SAMD12: variants seen among roughly 807,000 people sequenced by gnomAD.
SAMD12 encodes the protein sterile alpha motif domain-containing protein 12.
A neutral mutation model predicts 15.0 loss-of-function variants in SAMD12; 9 were observed. The observed-to-expected ratio is 0.60, with a 90% CI of 0.36 to 1.05. SAMD12 has a LOEUF of 1.05. Among genes scored for constraint, SAMD12 ranks in the 50% least tolerant of loss-of-function variants. SAMD12 has a pLI of 0.01. For synonymous variants in SAMD12, 86 were observed against 90.1 expected, an observed-to-expected ratio of 0.96 and a Z score of 0.25; for missense variants, 230 against 234.2, an observed-to-expected ratio of 0.98 and a Z score of 0.12.
At chr8:118,447,592 C>T (rs780903634) in intron 2 of SAMD12, among the ~76,000 whole-genome samples, 44 of 151,906 alleles carry the variant, frequency 2.9e-4, no homozygotes, top group South Asian at 2.1e-4. Context: ...CGTGAGCCAC[C>T]GTGTCCAGCC....
rs561785114 is a variant in SAMD12 at position 118,272,078 on chromosome 8, A to G, written c.434-74346T>C. ...CCATATTTCCCTTCCACAGTGCCCT[A>G]GCAGAGATTCTGTATGAGGTCTCTG... On this transcript the variant is annotated intron_variant, in intron 4 of 4. Transcript: ENST00000409003. Among the ~76,000 whole-genome samples the G allele has an allele frequency of 1.1e-4, 17 of 152,338 alleles. No individual in the cohort carries two copies. In the South Asian group the frequency reaches 3.3e-3, roughly 30 times the overall value.
At chr8:118,318,351 T>TAC (rs1288280504) in intron 4 of SAMD12, among the ~76,000 whole-genome samples, 172 of 83,724 alleles carry the variant, frequency 2.1e-3, no homozygotes, top group African/African-American at 6.2e-3. Flanking sequence ...TATATATATA[T>TAC]ATATACATAT....
exon 5 of SAMD12, chr8:118,197,585 T>C: frequency 2.3e-6 from 2 of 867,868 alleles, no homozygotes; most frequent in Non-Finnish European, 3.9e-6. Context: ...TTTTTTCAGT[T>C]AATCCAGTTA....
At chr8:118,560,917 T>C (rs1317689368) in intron 2 of SAMD12, among the ~76,000 whole-genome samples, 2 of 152,184 alleles carry the variant, frequency 1.3e-5, no homozygotes, top group African/African-American at 2.4e-5. Context: ...AGTCAAAATA[T>C]GAAAACCAAA....
intron 2 of SAMD12, among the ~76,000 whole-genome samples, chr8:118,447,663 T>G (rs1448911684): frequency 6.6e-6 from 1 of 151,696 alleles, no homozygotes; most frequent in African/African-American, 2.4e-5. Flanking sequence ...CCCAGCTCTT[T>G]GATGTCATCT....
At chr8:118,168,928 C>T in the SAMD12 span, among the ~76,000 whole-genome samples, 1 of 152,126 alleles carries the variant, frequency 6.6e-6, no homozygotes, top group African/African-American at 2.4e-5. Flanking sequence ...ACATCAATGA[C>T]CCTAACAATG....
chr8:118,496,715 A>T (rs1824624695), intron 2 of SAMD12, among the ~76,000 whole-genome samples: 1 of 152,176 alleles, frequency 6.6e-6, no homozygotes. Context: ...ACAAAAACAG[A>T]CAAGTGGGAC....
At chr8:118,416,051 A>G (rs930570515) in intron 3 of SAMD12, among the ~76,000 whole-genome samples, 11 of 152,278 alleles carry the variant, frequency 7.2e-5, no homozygotes, top group African/African-American at 2.6e-4. Context: ...AAGAACAGAC[A>G]TCAGTGCTCA....
intron 4 of SAMD12, among the ~76,000 whole-genome samples, chr8:118,210,365 T>C (rs939476711): frequency 6.6e-6 from 1 of 152,186 alleles, no homozygotes; most frequent in South Asian, 2.1e-4. Context: ...CTCTGGCTCT[T>C]AGTTATATGC....
intron 4 of SAMD12, among the ~76,000 whole-genome samples, chr8:118,267,701 T>TTGTGTGTG (rs10671962): frequency 4.3e-4 from 63 of 147,612 alleles, no homozygotes; most frequent in South Asian, 2.4e-3. Flanking sequence ...TTCCCATCTG[T>TTGTGTGTG]TGTGTGTGTG....
intron 3 of SAMD12, among the ~76,000 whole-genome samples, chr8:118,411,814 A>G (rs1401841108): frequency 2.0e-5 from 3 of 152,212 alleles, no homozygotes; most frequent in Non-Finnish European, 4.4e-5. Context: ...CTGTGTGACA[A>G]TTACTCAGCT....
chr8:118,365,511 C>A (rs1219068217), intron 4 of SAMD12, among the ~76,000 whole-genome samples: 2 of 152,062 alleles, frequency 1.3e-5, no homozygotes, highest in Non-Finnish European at 2.9e-5. Context: ...TCCTTTTGCC[C>A]TTGGACACTG....
the SAMD12 span, among the ~76,000 whole-genome samples, chr8:118,148,636 T>C: frequency 6.6e-6 from 1 of 152,172 alleles, no homozygotes; most frequent in Non-Finnish European, 1.5e-5. Flanking sequence ...TTCTAGAATA[T>C]TTCCATCATC....
intron 4 of SAMD12, among the ~76,000 whole-genome samples, chr8:118,240,571 T>A (rs577819502): frequency 6.6e-6 from 1 of 152,036 alleles, no homozygotes; most frequent in Non-Finnish European, 1.5e-5. Context: ...TACCCTAGGG[T>A]TTTTCCCCCT....
At chr8:118,153,429 T>C in the SAMD12 span, among the ~76,000 whole-genome samples, 1 of 152,118 alleles carries the variant, frequency 6.6e-6, no homozygotes, top group African/African-American at 2.4e-5. Flanking sequence ...CTGTTTTTTG[T>C]GAAAGGAACT....
intron 4 of SAMD12, among the ~76,000 whole-genome samples, chr8:118,372,664 T>C (rs2515061): frequency 0.071 from 10,786 of 152,186 alleles, 448 homozygotes; most frequent in East Asian, 0.23. Context: ...CAGCTTTCTT[T>C]GTGTCAAACA....
intron 2 of SAMD12, among the ~76,000 whole-genome samples, chr8:118,570,129 G>A (rs1286044866): frequency 6.6e-6 from 1 of 152,174 alleles, no homozygotes; most frequent in Non-Finnish European, 1.5e-5. Flanking sequence ...GCTTGCAGAG[G>A]AGGGTGAAAG....
chr8:118,586,581 G>A (rs138596558), intron 1 of SAMD12, among the ~76,000 whole-genome samples: 17 of 152,158 alleles, frequency 1.1e-4, no homozygotes, highest in Middle Eastern at 3.4e-3. Context: ...GGGCTCAAGC[G>A]ACCTGCCCAC....
intron 2 of SAMD12, among the ~76,000 whole-genome samples, chr8:118,530,562 G>C (rs201519727): frequency 6.6e-6 from 1 of 152,122 alleles, no homozygotes; most frequent in East Asian, 1.9e-4. Flanking sequence ...GTTTTTTCTT[G>C]TTGAGTTGTT....
Sources: allele counts gnomAD v4.1 joint callset (sites outside exome capture counted in the v4.1 genomes callset), GRCh38; gene constraint gnomAD v4.1.1; transcripts MANE v1.5; gene names NCBI Gene and HGNC (gene_info 2026-07-23, HGNC 2026-07-21).